The following CHIC2 variants were observed in gnomAD, a reference collection of about 807,000 sequenced individuals.
The protein encoded by CHIC2 is cysteine-rich hydrophobic domain-containing protein 2.
In CHIC2, 14 loss-of-function variants were observed where a neutral mutation model predicts 25.9. That is an observed-to-expected ratio of 0.54 (90% CI 0.36 to 0.85). CHIC2 has a LOEUF of 0.85. Among genes scored for constraint, CHIC2 ranks in the 40% least tolerant of loss-of-function variants. The pLI is 0.01. For synonymous variants in CHIC2, 70 were observed against 72.0 expected, an observed-to-expected ratio of 0.97 and a Z score of 0.14; for missense variants, 146 against 202.0, an observed-to-expected ratio of 0.72 and a Z score of 1.68.
intron 3 of CHIC2, among the ~76,000 whole-genome samples, chr4:54,039,285 A>C: frequency 6.6e-6 from 1 of 152,228 alleles, no homozygotes; most frequent in East Asian, 1.9e-4. Flanking sequence ...TTGTTGGAGA[A>C]TGAAAAGACA....
intron 3 of CHIC2, among the ~76,000 whole-genome samples, chr4:54,041,221 A>C (rs563210833): frequency 6.6e-6 from 1 of 151,954 alleles, no homozygotes; most frequent in South Asian, 2.1e-4. Flanking sequence ...GAAGAAAGTA[A>C]AAGCACTGAG....
chr4:54,065,386 A>G, upstream of CHIC2: 1 of 860,990 alleles, frequency 1.2e-6, no homozygotes, highest in Non-Finnish European at 1.4e-6. Flanking sequence ...GTTTCCTTAA[A>G]ATCTTAGGGA....
chr4:54,028,036 TTC>T (rs1716116170), intron 3 of CHIC2, among the ~76,000 whole-genome samples: 1 of 152,190 alleles, frequency 6.6e-6, no homozygotes, highest in African/African-American at 2.4e-5. Flanking sequence ...GCTTTACAGT[TTC>T]TTTCCTTTAC....
intron 3 of CHIC2, among the ~76,000 whole-genome samples, chr4:54,028,967 C>G (rs180980498): frequency 2.0e-5 from 3 of 151,850 alleles, no homozygotes; most frequent in African/African-American, 7.3e-5. Flanking sequence ...TACTAAAATA[C>G]AAAAAATTAG....
At chr4:54,015,547 T>C (rs1412880314) in intron 3 of CHIC2, among the ~76,000 whole-genome samples, 3 of 152,044 alleles carry the variant, frequency 2.0e-5, no homozygotes, top group Non-Finnish European at 4.4e-5. Context: ...TTCAGTTCGG[T>C]CGTTTTGTCC....
intron 1 of CHIC2, among the ~76,000 whole-genome samples, chr4:54,056,268 TCTAAC>T (rs559937991): frequency 2.1e-3 from 324 of 152,306 alleles, no homozygotes; most frequent in African/African-American, 7.5e-3. Context: ...ATGCAGCTGA[TCTAAC>T]TTAACAACTT....
chr4:54,023,847 G>T (rs1715978745), intron 3 of CHIC2, among the ~76,000 whole-genome samples: 1 of 152,206 alleles, frequency 6.6e-6, no homozygotes, highest in South Asian at 2.1e-4. Flanking sequence ...CCACCGTGCT[G>T]TTATATGGGC....
chr4:54,045,858 T>C (rs1577979837), intron 3 of CHIC2, among the ~76,000 whole-genome samples: 1 of 151,452 alleles, frequency 6.6e-6, no homozygotes, highest in Admixed American at 6.6e-5. Flanking sequence ...GGAAGTCAAA[T>C]TGTCCCTGTT....
chr4:54,087,001 A>G, the CHIC2 span: 1,822 of 989,130 alleles, frequency 1.8e-3, 24 homozygotes, highest in African/African-American at 0.026. Flanking sequence ...AAAACCAACT[A>G]GAAGCAACAT....
chr4:54,015,939 T>C (rs1055115677), intron 3 of CHIC2, among the ~76,000 whole-genome samples: 8 of 152,188 alleles, frequency 5.3e-5, no homozygotes, highest in African/African-American at 1.9e-4. Context: ...CTATCAATGG[T>C]GAAAAATGGC....
intron 1 of CHIC2, among the ~76,000 whole-genome samples, chr4:54,054,294 A>G (rs1242185400): frequency 6.6e-6 from 1 of 152,168 alleles, no homozygotes; most frequent in Non-Finnish European, 1.5e-5. Context: ...AACTTCTTCT[A>G]TGTTCCTTGT....
the CHIC2 span, among the ~76,000 whole-genome samples, chr4:54,077,591 C>G: frequency 1.3e-5 from 2 of 151,996 alleles, no homozygotes; most frequent in African/African-American, 4.8e-5. Context: ...AAGGAACAGA[C>G]AGGTTATTTT....
At chr4:54,044,450 T>G (rs1397529283) in intron 3 of CHIC2, among the ~76,000 whole-genome samples, 1 of 152,198 alleles carries the variant, frequency 6.6e-6, no homozygotes. Context: ...TAACAGTCTC[T>G]CAGACCACAG....
chr4:54,068,599 T>C (rs1325953032), upstream of CHIC2, among the ~76,000 whole-genome samples: 2 of 152,254 alleles, frequency 1.3e-5, no homozygotes, highest in Admixed American at 1.3e-4. Context: ...CCTATTTGTG[T>C]GGAAAATACA....
At chr4:54,042,322 A>G (rs1174120892) in intron 3 of CHIC2, among the ~76,000 whole-genome samples, 1 of 152,226 alleles carries the variant, frequency 6.6e-6, no homozygotes, top group East Asian at 1.9e-4. Context: ...TACTTTCAGA[A>G]ACTACAGATT....
At chr4:54,025,126 T>A (rs903808385) in intron 3 of CHIC2, among the ~76,000 whole-genome samples, 4 of 151,460 alleles carry the variant, frequency 2.6e-5, no homozygotes, top group Admixed American at 1.3e-4. Flanking sequence ...ATGTCAGGCC[T>A]CTGAGCCCAA....
the CHIC2 span, among the ~76,000 whole-genome samples, chr4:54,085,045 T>C: frequency 1.3e-5 from 2 of 150,272 alleles, no homozygotes; most frequent in African/African-American, 2.4e-5. Flanking sequence ...ATAAATAAAG[T>C]GTTCTACTCC....
At chr4:54,049,205 A>G in intron 2 of CHIC2, 46 bp downstream of exon 2, 1 of 1,567,106 alleles carries the variant, frequency 6.4e-7, no homozygotes, top group Non-Finnish European at 8.7e-7. Flanking sequence ...TCAGAAAAAA[A>G]CTTTCATTTT....
At chr4:54,063,287 CTAAAATGAGAGAGTATCAATGTAAT>C (rs1717393417) in intron 1 of CHIC2, among the ~76,000 whole-genome samples, 3 of 152,172 alleles carry the variant, frequency 2.0e-5, no homozygotes, top group Non-Finnish European at 4.4e-5. Flanking sequence ...AACAAGAGAT[CTAAAATGAGAGAGTATCAATGTAAT>C]ACATCAAGTG....
Sources: allele counts gnomAD v4.1 joint callset (sites outside exome capture counted in the v4.1 genomes callset), GRCh38; gene constraint gnomAD v4.1.1; transcripts MANE v1.5; gene names NCBI Gene and HGNC (gene_info 2026-07-23, HGNC 2026-07-21).